Variants in UBAP2L observed in about 807,000 individuals in gnomAD.
UBAP2L encodes ubiquitin-associated protein 2-like.
UBAP2L carries 12 observed loss-of-function variants against 130.6 expected under a neutral mutation model. That is an observed-to-expected ratio of 0.09 (90% confidence interval 0.06 to 0.15). The LOEUF (loss-of-function observed/expected upper bound fraction) is 0.15. Ranked by LOEUF, UBAP2L falls within the 10% of genes least tolerant of loss-of-function variation. The pLI, the probability that UBAP2L is intolerant of heterozygous loss-of-function variation, is 1.00. For synonymous variants in UBAP2L, 503 were observed against 524.7 expected, an observed-to-expected ratio of 0.96 and a Z score of 0.57; for missense variants, 965 against 1,332.5, an observed-to-expected ratio of 0.72 and a Z score of 4.29.
intron 4 of UBAP2L, among the ~76,000 whole-genome samples, chr1:154,233,024 T>G (rs1558132999): frequency 6.6e-6 from 1 of 151,712 alleles, no homozygotes. Context: ...TTTTCTTTTT[T>G]TTTTTTTTGA....
intron 9 of UBAP2L, chr1:154,241,843 G>T: frequency 1.1e-6 from 1 of 947,356 alleles, no homozygotes; most frequent in Non-Finnish European, 1.3e-6. Flanking sequence ...GAAGAGATTG[G>T]TGGTTGGGTA....
chr1:154,238,520 C>T (rs57197928), intron 8 of UBAP2L, among the ~76,000 whole-genome samples: 4,584 of 152,156 alleles, frequency 0.03, 236 homozygotes, highest in African/African-American at 0.11. Context: ...GGCATGGGGT[C>T]CCAGTCCTTA....
chr1:154,253,763 ATTC>A (rs1678701145), intron 14 of UBAP2L, 134 bp from the exon 15 acceptor site: 1 of 820,740 alleles, frequency 1.2e-6, no homozygotes, highest in Admixed American at 3.0e-5. Flanking sequence ...ATTTTGGTAG[ATTC>A]TTCTATTTGT....
At chr1:154,243,348 T>C (rs1193402073) in intron 10 of UBAP2L, 46 bp downstream of exon 10, 2 of 1,562,310 alleles carry the variant, frequency 1.3e-6, no homozygotes, top group Middle Eastern at 3.4e-4. Flanking sequence ...ACACATCTGC[T>C]GAGATTACTG....
intron 6 of UBAP2L, 99 bp downstream of exon 6, chr1:154,235,390 T>C: frequency 1.6e-6 from 1 of 613,550 alleles, no homozygotes. Context: ...AGTCTCACTC[T>C]CACCCAGGCC....
At chr1:154,237,162 C>A in intron 8 of UBAP2L, 26 bp downstream of exon 8, 1 of 1,581,008 alleles carries the variant, frequency 6.3e-7, no homozygotes, top group Non-Finnish European at 8.7e-7. Context: ...TCATTCATTT[C>A]TTGTCTCTGG....
At chr1:154,220,290 T>C (rs1665449320), upstream of UBAP2L, 1 of 1,600,276 alleles carries the variant, frequency 6.2e-7, no homozygotes, top group South Asian at 1.1e-5. Context: ...AAAAGGAGGG[T>C]CTCTACTGGG....
chr1:154,256,815 T>G (rs114536833), intron 18 of UBAP2L, among the ~76,000 whole-genome samples: 1,708 of 152,304 alleles, frequency 0.011, 32 homozygotes, highest in African/African-American at 0.038. Flanking sequence ...TTTACTGTCT[T>G]TCTGAACAGG....
Position 154,266,515 on chromosome 1 carries a change from T to A in UBAP2L, c.2917T>A (p.Ser973Thr). ...HGYNTGVSVT[S>T]SNTGVPDISG... ...TCCTCCCCCAGGTGTTTCAGTCACC[T>A]CCAGTAACACGGGCGTGCCAGATAT... Residue 973 changes from serine (S) to threonine (T), a missense_variant, in exon 25 of 27, where the codon TCC (serine) becomes ACC (threonine). By Grantham distance (58) the Ser-to-Thr change is moderately conservative (BLOSUM62 1). Coordinates refer to ENST00000428931, the MANE Select transcript of UBAP2L (RefSeq NM_014847.4). 1.2e-6 allele frequency: 2 copies of A among 1,614,170 alleles called. No homozygotes were observed. Among genetic ancestry groups the A allele is most frequent in the Non-Finnish European group, 8.5e-7 (1 of 1,180,022 alleles).
At position 154,266,488 on chromosome 1, in the gene UBAP2L, C is replaced by T. The variant is rs1182542172; in HGVS notation, c.2903-13C>T. The T allele has an allele frequency of 1.2e-6, 2 of 1,613,928 alleles. No individual in the cohort carries two copies. The highest frequency in any genetic ancestry group is 1.7e-6 in the Non-Finnish European group (2 of 1,179,904). On this transcript the variant is annotated splice_polypyrimidine_tract_variant and intron_variant, in intron 24 of 26. Coordinates refer to ENST00000428931, the MANE Select transcript of UBAP2L (RefSeq NM_014847.4). ...GCTGAGCTAATCCTCCTGTCTGTTT[C>T]CTCCTCCCCCAGGTGTTTCAGTCAC...
chr1:154,235,317 A>C (rs1342844273), intron 6 of UBAP2L, 26 bp downstream of exon 6: 1 of 736,824 alleles, frequency 1.4e-6, no homozygotes, highest in Non-Finnish European at 2.5e-6. Flanking sequence ...GGGGATGGAT[A>C]TTGGGGGCAG....
rs141217511 is a variant in UBAP2L, at chr1:154,265,759, G to A, written c.2903-742G>A. Among the ~76,000 whole-genome samples, 90 of 148,642 alleles carry A rather than the reference G, an allele frequency of 6.1e-4. 1 individual carries two copies. Among genetic ancestry groups the A allele is most frequent in the African/African-American group, 2.2e-3 (88 of 39,644 alleles). On this transcript the variant is annotated intron_variant, in intron 24 of 26. Transcript: ENST00000428931. ...TGGGGTATGAGAGCTTTTATCTTAC[G>A]GAGAAGCTGAAGTTGTATACTGAAA...
At chr1:154,267,008 T>C (rs1039105491) in intron 25 of UBAP2L, among the ~76,000 whole-genome samples, 1 of 152,140 alleles carries the variant, frequency 6.6e-6, no homozygotes, top group African/African-American at 2.4e-5. Flanking sequence ...CACAGGTTTG[T>C]TATGTTGCTT....
chr1:154,236,262 G>C (rs1280119231), intron 6 of UBAP2L, among the ~76,000 whole-genome samples: 1 of 152,036 alleles, frequency 6.6e-6, no homozygotes, highest in Non-Finnish European at 1.5e-5. Flanking sequence ...GCAGTAGTGC[G>C]GTCTTAGCTC....
In UBAP2L at chr1:154,243,064, T is replaced by C. The variant is rs907551225; in HGVS notation, c.757-153T>C. On this transcript the variant is annotated intron_variant, in intron 9 of 26. Transcript: ENST00000428931. ...AACTATTGAGCATATATTGAAGGGC[T>C]TGAAAGTCAATCCATTCAGGATTCC... The C allele has an allele frequency of 1.5e-5, 9 of 612,028 alleles. No homozygotes were observed. The African/African-American group carries it at 1.5e-4, about 10-fold the overall frequency. The allele number at this position is 612,028 out of a possible 1,614,324, so 37.9% of individuals were successfully genotyped here.
Position 154,246,389 on chromosome 1 carries a change from G to A in UBAP2L, c.1014+14G>A, listed in dbSNP as rs901242520. On this transcript the variant is annotated intron_variant, in intron 11 of 26. Transcript: ENST00000428931. ...CATCACAGTATGGTGAGTAGGAAAC[G>A]TGGTTTATCCTAATCAAACCTTCCT... is the stretch of plus-strand genomic sequence containing the variant. 4 of 1,606,814 alleles carry A rather than the reference G, an allele frequency of 2.5e-6. No individual in the cohort carries two copies. Among genetic ancestry groups the A allele is most frequent in the Middle Eastern group, 1.9e-4 (1 of 5,344 alleles).
Position 154,261,668 on chromosome 1 carries a change from G to C in UBAP2L, c.2873G>C (p.Ser958Thr), listed in dbSNP as rs187361642. ...TCGGCCACCCCTTTCCAACAGCCGA[G>C]TGGATATGGGTCTCATGGATACAAC... is the stretch of plus-strand genomic sequence containing the variant. ...NASATPFQQP[S>T]GYGSHGYNTG... Residue 958 changes from serine to threonine, a missense_variant, in exon 24 of 27, where the codon AGT (serine) becomes ACT (threonine). This residue lies in a region of UBAP2L where 194 missense variants were observed against 334.0 expected (regional missense o/e 0.58). Transcript: ENST00000428931. 4 of 1,614,172 alleles carry C rather than the reference G, an allele frequency of 2.5e-6. No homozygotes were observed. In the Admixed American group the frequency reaches 6.7e-5, roughly 27 times the overall value.
At chr1:154,229,364 T>G (rs1467765068) in intron 4 of UBAP2L, among the ~76,000 whole-genome samples, 1 of 152,188 alleles carries the variant, frequency 6.6e-6, no homozygotes, top group East Asian at 1.9e-4. Flanking sequence ...GTTTTTATGC[T>G]TGTCTTATGT....
chr1:154,238,694 T>G (rs1232658271), intron 8 of UBAP2L, among the ~76,000 whole-genome samples: 8 of 152,146 alleles, frequency 5.3e-5, no homozygotes, highest in Admixed American at 5.2e-4. Context: ...TGCAAAAGTG[T>G]TGGTTATAGC....
Sources: allele counts gnomAD v4.1 joint callset (sites outside exome capture counted in the v4.1 genomes callset), GRCh38; gene constraint gnomAD v4.1.1; regional missense constraint gnomAD v4.1.1; transcripts MANE v1.5; gene names NCBI Gene and HGNC (gene_info 2026-07-23, HGNC 2026-07-21).